SNX7: variants seen among roughly 807,000 people sequenced by gnomAD.
The protein encoded by SNX7 is sorting nexin 7, also known as sorting nexin-7.
SNX7 carries 35 observed loss-of-function variants against 48.4 expected under a neutral mutation model. That is an observed-to-expected ratio of 0.72 (90% confidence interval 0.55 to 0.96). The LOEUF (loss-of-function observed/expected upper bound fraction) is 0.96, where lower values mean the gene tolerates loss of function less well. Among genes scored for constraint, SNX7 ranks in the 40% least tolerant of loss-of-function variants. The pLI is 0.00. For missense variants in SNX7, 553 were observed against 548.9 expected, an observed-to-expected ratio of 1.01 and a Z score of -0.07; for synonymous variants, 190 against 190.2, an observed-to-expected ratio of 1.00 and a Z score of 0.01.
chr1:98,678,456 A>G (rs1331161199), intron 1 of SNX7, among the ~76,000 whole-genome samples: 3 of 152,216 alleles, frequency 2.0e-5, no homozygotes, highest in African/African-American at 7.2e-5. Context: ...ATGTATGTGT[A>G]TGTCTCATAT....
chr1:98,672,542 A>G (rs191749040), intron 1 of SNX7, among the ~76,000 whole-genome samples: 36 of 151,478 alleles, frequency 2.4e-4, no homozygotes, highest in African/African-American at 7.0e-4. Flanking sequence ...TTATAGGCAA[A>G]TGGCATCTTG....
intron 7 of SNX7, among the ~76,000 whole-genome samples, chr1:98,733,749 G>GAGT (rs1224511582): frequency 3.9e-5 from 6 of 151,978 alleles, no homozygotes; most frequent in Non-Finnish European, 8.8e-5. Context: ...GATGGATGCT[G>GAGT]AGTGGAAGCT....
chr1:98,748,477 G>A (rs1654417202), intron 8 of SNX7, among the ~76,000 whole-genome samples: 1 of 151,802 alleles, frequency 6.6e-6, no homozygotes, highest in South Asian at 2.1e-4. Flanking sequence ...AGTTAATCAG[G>A]GATTTGCGTA....
At chr1:98,701,382 T>C (rs1358974741) in intron 6 of SNX7, among the ~76,000 whole-genome samples, 1 of 152,264 alleles carries the variant, frequency 6.6e-6, no homozygotes, top group Non-Finnish European at 1.5e-5. Flanking sequence ...TCCTTTGGAG[T>C]CAGGTAAGAA....
chr1:98,676,006 T>C (rs1650140696), intron 1 of SNX7, among the ~76,000 whole-genome samples: 1 of 152,148 alleles, frequency 6.6e-6, no homozygotes, highest in South Asian at 2.1e-4. Flanking sequence ...TGTTTTAGAA[T>C]ATTTGGAAAA....
At chr1:98,728,313 A>G (rs2101019267) in intron 7 of SNX7, among the ~76,000 whole-genome samples, 1 of 152,274 alleles carries the variant, frequency 6.6e-6, no homozygotes, top group East Asian at 1.9e-4. Context: ...GAGAAATAAA[A>G]TCCTTTTCAG....
chr1:98,661,610 G>A (rs1468648987), upstream of SNX7: 3 of 927,272 alleles, frequency 3.2e-6, no homozygotes, highest in Non-Finnish European at 4.1e-6. Flanking sequence ...CGTCTGCGCA[G>A]CGGGCGAGGG....
At chr1:98,688,409 C>T (rs570243125) in intron 2 of SNX7, among the ~76,000 whole-genome samples, 2 of 152,224 alleles carry the variant, frequency 1.3e-5, no homozygotes, top group African/African-American at 2.4e-5. Flanking sequence ...TAAAGATGTA[C>T]GTTCTCTTAG....
At chr1:98,690,738 CACTT>C (rs1472151382) in intron 2 of SNX7, among the ~76,000 whole-genome samples, 8 of 152,076 alleles carry the variant, frequency 5.3e-5, no homozygotes, top group African/African-American at 1.7e-4. Context: ...ATTCAGAACA[CACTT>C]GCTTGTTAGC....
At chr1:98,711,016 TATAA>T (rs1652271822) in intron 7 of SNX7, among the ~76,000 whole-genome samples, 1 of 152,168 alleles carries the variant, frequency 6.6e-6, no homozygotes, top group Non-Finnish European at 1.5e-5. Flanking sequence ...TTATTTAAAG[TATAA>T]ATAGTTATTA....
chr1:98,689,706 A>G (rs1651007769), intron 2 of SNX7, among the ~76,000 whole-genome samples: 2 of 152,176 alleles, frequency 1.3e-5, no homozygotes. Context: ...ATGCTCAGTA[A>G]TATTTTTTAA....
chr1:98,734,917 C>T (rs1242120859), intron 7 of SNX7, among the ~76,000 whole-genome samples: 3 of 152,140 alleles, frequency 2.0e-5, no homozygotes, highest in Admixed American at 1.3e-4. Flanking sequence ...GCTGTCAGTA[C>T]TTGTGAAAAG....
chr1:98,748,954 A>G (rs1347437083), intron 8 of SNX7, among the ~76,000 whole-genome samples: 1 of 152,168 alleles, frequency 6.6e-6, no homozygotes, highest in African/African-American at 2.4e-5. Context: ...TAATTTTCTA[A>G]TAATCCAGAG....
At chr1:98,741,970 G>A (rs1399447404) in intron 8 of SNX7, among the ~76,000 whole-genome samples, 1 of 152,070 alleles carries the variant, frequency 6.6e-6, no homozygotes, top group Non-Finnish European at 1.5e-5. Flanking sequence ...ATTCTGGCAG[G>A]AAAGTGCAGC....
intron 1 of SNX7, among the ~76,000 whole-genome samples, chr1:98,681,975 G>T (rs1173178024): frequency 2.6e-5 from 4 of 151,950 alleles, no homozygotes; most frequent in Non-Finnish European, 5.9e-5. Context: ...TCTCTCTTTT[G>T]CTTTCTCTCT....
At chr1:98,711,482 A>G (rs1415808082) in intron 7 of SNX7, among the ~76,000 whole-genome samples, 1 of 152,194 alleles carries the variant, frequency 6.6e-6, no homozygotes, top group East Asian at 1.9e-4. Flanking sequence ...AAGTCACAAG[A>G]AATTTTTGGC....
In SNX7 at chr1:98,719,765, G is replaced by A. The variant is rs554811811; in HGVS notation, c.1125+17862G>A. Reference sequence around the variant, plus strand: ...TTCAGGTGACAGAAAAAAATGTCTCGTGGTTTCTTCCATTAATTTTTGAGT... The same window carrying A: ...TTCAGGTGACAGAAAAAAATGTCTCATGGTTTCTTCCATTAATTTTTGAGT... On this transcript the variant is annotated intron_variant, in intron 7 of 8. Coordinates refer to ENST00000306121, the MANE Select transcript of SNX7 (RefSeq NM_015976.5). 3.3e-5 allele frequency among the ~76,000 whole-genome samples: 5 copies of A among 151,072 alleles called. No homozygotes were observed. In the East Asian group the frequency reaches 5.8e-4, roughly 18 times the overall value.
chr1:98,667,235 T>G (rs984458374), intron 1 of SNX7, among the ~76,000 whole-genome samples: 1 of 152,202 alleles, frequency 6.6e-6, no homozygotes, highest in African/African-American at 2.4e-5. Flanking sequence ...CTTCCAAATC[T>G]TTTGATAAGT....
Position 98,680,304 on chromosome 1 carries a change from G to A in SNX7, c.181-4581G>A, listed in dbSNP as rs113599759. Among the ~76,000 whole-genome samples the A allele has an allele frequency of 9.5e-4, 145 of 152,232 alleles. 1 individual carries two copies. The highest frequency in any genetic ancestry group is 6.8e-3 in the Middle Eastern group (2 of 294). ...AAGTCCCTAGGCGGCACACAGTATG[G>A]GGACCCTGAGCCCAGCCCACAAAAC... is the stretch of plus-strand genomic sequence containing the variant. On this transcript the variant is annotated intron_variant, in intron 1 of 8. Transcript: ENST00000306121.
Sources: gnomAD v4.1 joint callset for allele counts (sites outside exome capture counted in the v4.1 genomes callset) on GRCh38, gnomAD v4.1.1 for gene constraint, MANE v1.5 for transcripts, NCBI Gene and HGNC (gene_info 2026-07-23, HGNC 2026-07-21) for gene names.